Variants in CBFA2T3 observed in about 807,000 individuals in gnomAD.
CBFA2T3 encodes the protein transcriptional corepressor CBFA2T3.
In CBFA2T3, 31 loss-of-function variants were observed where a neutral mutation model predicts 58.6. The observed-to-expected ratio is 0.53, with a 90% confidence interval of 0.40 to 0.71. The LOEUF (loss-of-function observed/expected upper bound fraction) is 0.71, where lower values mean the gene tolerates loss of function less well. CBFA2T3 is among the 30% of genes least tolerant of loss of function. The pLI is 0.00. For synonymous variants in CBFA2T3, 531 were observed against 421.9 expected (o/e 1.26, Z -3.17); for missense variants, 1,076 against 963.1 (o/e 1.12, Z -1.55).
chr16:88,880,303 C>G (rs1969015989), intron 10 of CBFA2T3, among the ~76,000 whole-genome samples: 1 of 152,224 alleles, frequency 6.6e-6, no homozygotes, highest in African/African-American at 2.4e-5. Context: ...GCCCCTCCCC[C>G]AAGGCTGATT....
chr16:88,882,547 G>A (rs991096430), intron 8 of CBFA2T3, 129 bp downstream of exon 8: 6 of 669,156 alleles, frequency 9.0e-6, no homozygotes, highest in African/African-American at 1.8e-5. Flanking sequence ...TGTGTGCATG[G>A]GTGTGGCTGT....
chr16:88,975,664 C>T (rs974418217), intron 1 of CBFA2T3, among the ~76,000 whole-genome samples: 1 of 152,270 alleles, frequency 6.6e-6, no homozygotes, highest in African/African-American at 2.4e-5. Flanking sequence ...GAGGTCCGGC[C>T]TTTGCATTCC....
Position 88,885,625 on chromosome 16 carries a change from G to T in CBFA2T3, c.893+336C>A, listed in dbSNP as rs995693500. 4.7e-6 allele frequency: 2 copies of T among 423,504 alleles called. No homozygotes were observed. The highest frequency in any genetic ancestry group is 2.1e-5 in the African/African-American group (1 of 48,698). The allele number at this position is 423,504 out of a possible 1,614,324, so 26.2% of individuals were successfully genotyped here. A position where few individuals can be genotyped will look rare whatever the true frequency, so the allele number is the denominator to read the frequency against. On this transcript the variant is annotated intron_variant, in intron 6 of 11. Transcript: ENST00000268679. The surrounding 1 kb of genome is among the most constrained non-coding windows in gnomAD (Gnocchi z 5.3). ...CAGCAGCAGCACAAGAGCGTCTGGG[G>T]CAGCAGAGGGGGCCCAGCCCAGGCA...
intron 1 of CBFA2T3, among the ~76,000 whole-genome samples, chr16:88,924,301 T>A (rs1320366302): frequency 6.6e-6 from 1 of 152,214 alleles, no homozygotes; most frequent in African/African-American, 2.4e-5. Context: ...GCACACTGCG[T>A]GCCTTCAGGA....
chr16:88,972,171 C>T (rs753701181), intron 1 of CBFA2T3, among the ~76,000 whole-genome samples: 22 of 151,992 alleles, frequency 1.4e-4, no homozygotes, highest in Non-Finnish European at 3.1e-4. Flanking sequence ...CGGAGCATTC[C>T]AGCAGCCACT....
At chr16:88,967,051 G>A (rs1301968066) in intron 1 of CBFA2T3, among the ~76,000 whole-genome samples, 4 of 152,116 alleles carry the variant, frequency 2.6e-5, no homozygotes, top group East Asian at 3.9e-4. Context: ...GGAAATTGAC[G>A]CACTCAACCT....
chr16:88,926,899 C>G (rs1308900930), intron 1 of CBFA2T3, among the ~76,000 whole-genome samples: 1 of 152,210 alleles, frequency 6.6e-6, no homozygotes, highest in Non-Finnish European at 1.5e-5. Context: ...GCAGCCCCGT[C>G]CGGCCCCCGC....
chr16:88,954,080 G>C (rs1316877658), intron 1 of CBFA2T3, among the ~76,000 whole-genome samples: 1 of 152,092 alleles, frequency 6.6e-6, no homozygotes, highest in Non-Finnish European at 1.5e-5. Flanking sequence ...GCCAGTCAGA[G>C]AACTGCCCAG....
rs1488053362 is a variant in CBFA2T3, at chr16:88,941,164, A to AGGCGCGCGGCGGGGCTGG, written c.151+35475_151+35492dup. 4 of 981,986 alleles carry AGGCGCGCGGCGGGGCTGG rather than the reference A, an allele frequency of 4.1e-6. No individual in the cohort carries two copies. The African/African-American group carries it at 7.1e-5, about 17-fold the overall frequency. 60.8% of individuals were successfully genotyped at this position (981,986 alleles called of 1,614,324 possible). A position where few individuals can be genotyped will look rare whatever the true frequency, so the allele number is the denominator to read the frequency against. On this transcript the variant is annotated intron_variant, in intron 1 of 11. Transcript: ENST00000268679. ...TGTCTTCTGGCGCCGCACCGGGCTCAGGCGCGCGGCGGGGCTGGGGCGCGC... is the reference window on the plus strand; with the variant it reads ...TGTCTTCTGGCGCCGCACCGGGCTCAGGCGCGCGGCGGGGCTGGGGCGCGCGGCGGGGCTGGGGCGCGC...
At chr16:88,933,095 G>A (rs1207311254) in intron 1 of CBFA2T3, among the ~76,000 whole-genome samples, 1 of 152,244 alleles carries the variant, frequency 6.6e-6, no homozygotes, top group Non-Finnish European at 1.5e-5. Context: ...CACGCCCAGA[G>A]ACAGGCCAGG....
At chr16:88,948,311 G>C (rs1336114260) in intron 1 of CBFA2T3, among the ~76,000 whole-genome samples, 1 of 152,260 alleles carries the variant, frequency 6.6e-6, no homozygotes, top group Non-Finnish European at 1.5e-5. Flanking sequence ...TTCGTGGCGA[G>C]TGGGGAGCTG....
chr16:88,957,336 C>T (rs1972243693), intron 1 of CBFA2T3, among the ~76,000 whole-genome samples: 1 of 152,252 alleles, frequency 6.6e-6, no homozygotes, highest in Non-Finnish European at 1.5e-5. Context: ...CGGCAGATGC[C>T]ACTGCCTTTC....
intron 1 of CBFA2T3, among the ~76,000 whole-genome samples, chr16:88,916,877 C>G (rs1187334878): frequency 6.6e-6 from 1 of 151,808 alleles, no homozygotes; most frequent in African/African-American, 2.4e-5. Flanking sequence ...CGTGGAGGGG[C>G]CAACAGAGGG....
chr16:88,929,595 G>T (rs1401423040), intron 1 of CBFA2T3, among the ~76,000 whole-genome samples: 1 of 151,370 alleles, frequency 6.6e-6, no homozygotes, highest in Admixed American at 6.6e-5. Flanking sequence ...CATCACCCAC[G>T]CAAAAGTCAC....
intron 1 of CBFA2T3, among the ~76,000 whole-genome samples, chr16:88,962,631 C>T (rs992298545): frequency 2.0e-5 from 3 of 152,222 alleles, no homozygotes; most frequent in African/African-American, 4.8e-5. Flanking sequence ...GATGCCGAGT[C>T]CCCTGGACCA....
In CBFA2T3 at chr16:88,876,859, A is replaced by T; in HGVS notation, c.*117T>A. 2 of 797,626 alleles carry T rather than the reference A, an allele frequency of 2.5e-6. No individual in the cohort carries two copies. The highest frequency in any genetic ancestry group is 6.5e-5 in the East Asian group (2 of 30,708). 49.4% of individuals were successfully genotyped at this position (797,626 alleles called of 1,614,324 possible). The stretch of plus-strand genomic sequence containing the variant: ...ACTAATTGGTCGGCTCCCCCAGGTC[A>T]GGCGGGGCGCAGTGTCTGGCAGGCC... On this transcript the variant is annotated 3_prime_UTR_variant, in exon 12 of 12. Coordinates refer to ENST00000268679, the MANE Select transcript of CBFA2T3 (RefSeq NM_005187.6).
intron 1 of CBFA2T3, among the ~76,000 whole-genome samples, chr16:88,960,373 T>C (rs778437362): frequency 6.6e-6 from 1 of 152,228 alleles, no homozygotes; most frequent in Non-Finnish European, 1.5e-5. Flanking sequence ...TGTTTGAAGA[T>C]AGCAGAGAAG....
intron 9 of CBFA2T3, 196 bp from the exon 10 acceptor site, chr16:88,880,984 G>T: frequency 1.5e-6 from 1 of 672,834 alleles, no homozygotes; most frequent in South Asian, 1.6e-5. Context: ...TTGGAGCTGT[G>T]GACCTTGGAC....
intron 5 of CBFA2T3, among the ~76,000 whole-genome samples, chr16:88,887,729 C>G (rs1969438709): frequency 6.6e-6 from 1 of 152,110 alleles, no homozygotes; most frequent in East Asian, 1.9e-4. Flanking sequence ...GCCCAGGGCA[C>G]CCGGGGAGGT....
Sources: gnomAD v4.1 joint callset for allele counts (sites outside exome capture counted in the v4.1 genomes callset) on GRCh38, gnomAD v4.1.1 for gene constraint, Gnocchi (gnomAD v3.1) non-coding constraint, MANE v1.5 for transcripts, NCBI Gene and HGNC (gene_info 2026-07-23, HGNC 2026-07-21) for gene names.